CRTAP: variants seen among roughly 807,000 people sequenced by gnomAD.
CRTAP encodes the protein cartilage associated protein.
CRTAP carries 33 observed loss-of-function variants against 42.7 expected under a neutral mutation model. The ratio of observed to expected loss-of-function variants is 0.77; its 90% CI spans 0.59 to 1.03. The LOEUF (loss-of-function observed/expected upper bound fraction) is 1.03. Ranked by LOEUF, CRTAP falls within the 50% of genes least tolerant of loss-of-function variation. The pLI is 0.00. For synonymous variants in CRTAP, 243 were observed against 217.7 expected, an observed-to-expected ratio of 1.12 and a Z score of -1.02; for missense variants, 613 against 533.9, an observed-to-expected ratio of 1.15 and a Z score of -1.46.
Position 33,144,443 on chromosome 3 carries a change from G to A in CRTAP, c.*1995G>A, listed in dbSNP as rs1052364816. ...TGAATGCACTTGGTTTATTGTTGGG[G>A]GTGCTCTCAGAAGGAACCTGTGAAA... is the stretch of plus-strand genomic sequence containing the variant. On this transcript the variant is annotated 3_prime_UTR_variant, in exon 7 of 7. Coordinates refer to ENST00000320954, the MANE Select transcript of CRTAP (RefSeq NM_006371.5). 3 of 152,204 alleles carry A rather than the reference G, an allele frequency of 2.0e-5. No homozygotes were observed. Among genetic ancestry groups the A allele is most frequent in the Non-Finnish European group, 2.9e-5 (2 of 68,042 alleles). The allele number at this position is 152,204 out of a possible 1,614,324, so 9.4% of individuals were successfully genotyped here. A position where few individuals can be genotyped will look rare whatever the true frequency, so the allele number is the denominator to read the frequency against.
Position 33,114,334 on chromosome 3 carries a change from G to A in CRTAP, c.257G>A (p.Arg86His). 2 of 1,535,118 alleles carry A rather than the reference G, an allele frequency of 1.3e-6. No individual in the cohort carries two copies. Among genetic ancestry groups the A allele is most frequent in the East Asian group, 2.5e-5 (1 of 39,840 alleles). ...CGCGACAGCGAGGCCTTCTGCCACC[G>A]CAACTGCAGCGCCGCGCCGCAGCCC... ...LLRDSEAFCHRNCSAAPQPEP... is the reference protein window; with the variant it reads ...LLRDSEAFCHHNCSAAPQPEP... Residue 86 changes from arginine (R) to histidine (H), a missense_variant, in exon 1 of 7, where the codon CGC becomes CAC. Arg to His is a conservative substitution (Grantham distance 29, BLOSUM62 0). Transcript: ENST00000320954.
intron 6 of CRTAP, among the ~76,000 whole-genome samples, chr3:33,139,705 T>G (rs13085279): frequency 0.2 from 30,850 of 152,168 alleles, 3,807 homozygotes; most frequent in East Asian, 0.5. Context: ...CTCGAACTCC[T>G]GACCTCAGGT....
At chr3:33,122,147 CG>C (rs966744978) in intron 2 of CRTAP, among the ~76,000 whole-genome samples, 3 of 152,096 alleles carry the variant, frequency 2.0e-5, no homozygotes, top group African/African-American at 7.2e-5. Context: ...AAGCCGAGTG[CG>C]TGTGGTCAGT....
intron 3 of CRTAP, among the ~76,000 whole-genome samples, chr3:33,129,518 A>G (rs1235485533): frequency 2.7e-5 from 4 of 150,904 alleles, no homozygotes; most frequent in Non-Finnish European, 5.9e-5. Context: ...GTAGGTGTTG[A>G]AAATATTTTT....
chr3:33,137,499 A>G (rs1227816899), intron 6 of CRTAP, among the ~76,000 whole-genome samples: 1 of 152,216 alleles, frequency 6.6e-6, no homozygotes, highest in Admixed American at 6.5e-5. Flanking sequence ...CCATTTGTAT[A>G]TCTTTGAAGA....
At chr3:33,141,789 T>G (rs2030578312) in intron 6 of CRTAP, among the ~76,000 whole-genome samples, 1 of 152,166 alleles carries the variant, frequency 6.6e-6, no homozygotes, top group Admixed American at 6.5e-5. Context: ...TAAGGCTGAT[T>G]GCAGAAGGAG....
At chr3:33,132,480 T>C (rs1180078607) in intron 4 of CRTAP, 75 bp from the exon 5 acceptor site, 3 of 1,598,124 alleles carry the variant, frequency 1.9e-6, no homozygotes, top group Non-Finnish European at 2.6e-6. Context: ...TCATATGGCC[T>C]TTTTGTTTAG....
intron 6 of CRTAP, among the ~76,000 whole-genome samples, chr3:33,139,701 C>T (rs2030521267): frequency 6.6e-6 from 1 of 152,164 alleles, no homozygotes; most frequent in African/African-American, 2.4e-5. Context: ...TGGTCTCGAA[C>T]TCCTGACCTC....
In CRTAP at chr3:33,143,434, G is replaced by A. The variant is rs1030667221; in HGVS notation, c.*986G>A. 2 of 152,224 alleles carry A rather than the reference G, an allele frequency of 1.3e-5. No homozygotes were observed. The highest frequency in any genetic ancestry group is 4.8e-5 in the African/African-American group (2 of 41,452). 9.4% of individuals were successfully genotyped at this position (152,224 alleles called of 1,614,324 possible). A position where few individuals can be genotyped will look rare whatever the true frequency, so the allele number is the denominator to read the frequency against. On this transcript the variant is annotated 3_prime_UTR_variant, in exon 7 of 7. Transcript: ENST00000320954. ...ATTTGAGGACAATGCTTAGTTATAA[G>A]TCTCCGAGTTGGAAAAGGAAGAAAG...
chr3:33,139,349 C>T (rs114131906), intron 6 of CRTAP, among the ~76,000 whole-genome samples: 1 of 152,002 alleles, frequency 6.6e-6, no homozygotes, highest in African/African-American at 2.4e-5. Context: ...TTGTCTTGTT[C>T]CCAGTCTTAA....
chr3:33,115,787 G>A (rs746268714), intron 1 of CRTAP, among the ~76,000 whole-genome samples: 5 of 151,254 alleles, frequency 3.3e-5, no homozygotes, highest in Admixed American at 6.6e-5. Context: ...ACAGAGCCAC[G>A]TGTATATTGT....
In CRTAP at chr3:33,144,988, T is replaced by G. The variant is rs1438359999; in HGVS notation, c.*2540T>G. The G allele has an allele frequency of 2.0e-5, 3 of 152,350 alleles. No homozygotes were observed. The highest frequency in any genetic ancestry group is 1.3e-4 in the Admixed American group (2 of 15,298). The allele number at this position is 152,350 out of a possible 1,614,324, so 9.4% of individuals were successfully genotyped here. A position where few individuals can be genotyped will look rare whatever the true frequency, so the allele number is the denominator to read the frequency against. On this transcript the variant is annotated 3_prime_UTR_variant, in exon 7 of 7. Coordinates refer to ENST00000320954, the MANE Select transcript of CRTAP (RefSeq NM_006371.5). ...AGGCACAGCGTTTGGGAAACAAGAC[T>G]TTTCCTGCAATAGCCTGGGAAGGAA...
intron 1 of CRTAP, among the ~76,000 whole-genome samples, 177 bp from the exon 2 acceptor site, chr3:33,120,167 C>G (rs1233738016): frequency 6.6e-6 from 1 of 152,212 alleles, no homozygotes; most frequent in African/African-American, 2.4e-5. Context: ...TTCAGGAAAT[C>G]AGCACTTGTC....
chr3:33,124,400 C>A lies in CRTAP; in HGVS notation c.622-8C>A. 6.2e-7 allele frequency: 1 copy of A among 1,613,918 alleles called. No individual in the cohort carries two copies. The highest frequency in any genetic ancestry group is 8.5e-7 in the Non-Finnish European group (1 of 1,180,030). On this transcript the variant is annotated splice_region_variant and splice_polypyrimidine_tract_variant and intron_variant, in intron 2 of 6. Transcript: ENST00000320954. ...AGCGAGCTTCACTGGCTTCTCCATG[C>A]CTTTCAGAGCCTGTTCATCCGAGCA...
At position 33,114,097 on chromosome 3, in the gene CRTAP, G is replaced by A. The variant is rs886044235; in HGVS notation, c.20G>A (p.Gly7Glu). The A allele has an allele frequency of 7.5e-6, 11 of 1,467,978 alleles. No homozygotes were observed. Among genetic ancestry groups the A allele is most frequent in the Non-Finnish European group, 9.8e-6 (11 of 1,117,632 alleles). The allele number at this position is 1,467,978 out of a possible 1,614,324, so 90.9% of individuals were successfully genotyped here. A position where few individuals can be genotyped will look rare whatever the true frequency, so the allele number is the denominator to read the frequency against. The stretch of plus-strand genomic sequence containing the variant: ...GGCGCGATGGAGCCGGGGCGCCGGG[G>A]GGCCGCGGCGCTGCTAGCGCTGCTG... MEPGRR[G>E]AAALLALLCV... The change falls in exon 1 of 7, where the codon GGG (glycine) becomes GAG (glutamate). Residue 7 changes from glycine to glutamate, a missense_variant. By Grantham distance (98) the Gly-to-Glu change is moderately conservative. Coordinates refer to ENST00000320954, the MANE Select transcript of CRTAP (RefSeq NM_006371.5).
chr3:33,141,436 A>C (rs1407843285), intron 6 of CRTAP, among the ~76,000 whole-genome samples: 1 of 152,228 alleles, frequency 6.6e-6, no homozygotes, highest in African/African-American at 2.4e-5. Flanking sequence ...TTTGATGATA[A>C]TACTAAGACC....
chr3:33,141,051 G>A (rs2030557412), intron 6 of CRTAP, among the ~76,000 whole-genome samples: 1 of 152,150 alleles, frequency 6.6e-6, no homozygotes, highest in Non-Finnish European at 1.5e-5. Context: ...ATTGCCCAGA[G>A]AAGGGGCAGC....
At chr3:33,116,831 C>T (rs192702125) in intron 1 of CRTAP, among the ~76,000 whole-genome samples, 193 of 152,156 alleles carry the variant, frequency 1.3e-3, no homozygotes, top group Admixed American at 2.6e-3. Flanking sequence ...TATGGCTTGG[C>T]ATGATGGCTC....
At position 33,145,241 on chromosome 3, in the gene CRTAP, T is replaced by C. The variant is rs1178428057; in HGVS notation, c.*2793T>C. 6.6e-6 allele frequency: 1 copy of C among 152,446 alleles called. No individual in the cohort carries two copies. The allele number at this position is 152,446 out of a possible 1,614,324, so 9.4% of individuals were successfully genotyped here. On this transcript the variant is annotated 3_prime_UTR_variant, in exon 7 of 7. Coordinates refer to ENST00000320954, the MANE Select transcript of CRTAP (RefSeq NM_006371.5). The surrounding 1 kb of genome is among the most constrained non-coding windows in gnomAD (Gnocchi z 4.3). ...AAGAATCCCTGCATCAGGTTCTCCT[T>C]TGAGGGTACCCACCCAGGACAGTCC... is the stretch of plus-strand genomic sequence containing the variant.
Sources: allele counts gnomAD v4.1 joint callset (sites outside exome capture counted in the v4.1 genomes callset), GRCh38; gene constraint gnomAD v4.1.1; non-coding constraint Gnocchi (gnomAD v3.1); transcripts MANE v1.5; gene names NCBI Gene and HGNC (gene_info 2026-07-23, HGNC 2026-07-21).